The following CDK3 variants were observed in gnomAD, a reference collection of about 807,000 sequenced individuals.
CDK3 encodes cyclin dependent kinase 3.
A neutral mutation model predicts 30.2 loss-of-function variants in CDK3; 24 were observed. The observed-to-expected ratio is 0.79, with a 90% CI of 0.57 to 1.12. The LOEUF is 1.12. CDK3 is among the 50% of genes most tolerant of loss of function. The probability of loss-of-function intolerance (pLI) is 0.00; values close to 1 mark genes in which losing one functional copy is unlikely to be tolerated. For missense variants in CDK3, 345 were observed against 376.0 expected, an observed-to-expected ratio of 0.92 and a Z score of 0.68; for synonymous variants, 158 against 154.2, an observed-to-expected ratio of 1.02 and a Z score of -0.18.
chr17:76,002,810 G>A lies in CDK3; in HGVS notation c.588+198G>A. 1 of 574,206 alleles carries A rather than the reference G, an allele frequency of 1.7e-6. No individual in the cohort carries two copies. 35.6% of individuals were successfully genotyped at this position (574,206 alleles called of 1,614,324 possible). On this transcript the variant is annotated intron_variant, in intron 6 of 7. Coordinates refer to ENST00000448471, the MANE Select transcript of CDK3 (RefSeq NM_001258.4). This position sits in a 1 kb window ranked among gnomAD's most constrained non-coding sequence, Gnocchi z 4.3. ...GCCCAGGAGTTTGAGACCAGCCTGG[G>A]CAACGTAACAAATCCCCAGCTCTTA... is the stretch of plus-strand genomic sequence containing the variant.
Position 76,001,558 on chromosome 17 carries a change from C to A in CDK3, c.116+17C>A, listed in dbSNP as rs2069529. 0.026 allele frequency: 41,237 copies of A among 1,604,570 alleles called. 646 individuals carry two copies. The highest frequency in any genetic ancestry group is 0.031 in the Non-Finnish European group (36,670 of 1,172,386). ...ACTGGATTTGTGAGTGCTGGGACGGCCCCTGAGTTACCCACCCTGGGCCAT... is the reference window on the plus strand; with the variant it reads ...ACTGGATTTGTGAGTGCTGGGACGGACCCTGAGTTACCCACCCTGGGCCAT... On this transcript the variant is annotated intron_variant, in intron 2 of 7. Transcript: ENST00000448471. This position sits in a 1 kb window ranked among gnomAD's most constrained non-coding sequence, Gnocchi z 6.2.
Position 76,001,064 on chromosome 17 carries a change from C to T in CDK3, c.-15+97C>T. 1 of 1,148,944 alleles carries T rather than the reference C, an allele frequency of 8.7e-7. No homozygotes were observed. The highest frequency in any genetic ancestry group is 1.1e-6 in the Non-Finnish European group (1 of 925,062). The allele number at this position is 1,148,944 out of a possible 1,614,324, so 71.2% of individuals were successfully genotyped here. On this transcript the variant is annotated intron_variant, in intron 1 of 7. Coordinates refer to ENST00000448471, the MANE Select transcript of CDK3 (RefSeq NM_001258.4). This position sits in a 1 kb window ranked among gnomAD's most constrained non-coding sequence, Gnocchi z 6.2. The stretch of plus-strand genomic sequence containing the variant: ...CTGGGCGAGGGGTGGTCTCTGACTT[C>T]CTGGGGGTTCTGGCTGGGATGGGCA...
chr17:76,002,678 T>C lies in CDK3; in HGVS notation c.588+66T>C, dbSNP rs1485071541. ...AGGGTCCTACTGGGGTTGGGTGGGG[T>C]CCACTGATGCTCCCATTCGAGGCGG... On this transcript the variant is annotated intron_variant, in intron 6 of 7. Coordinates refer to ENST00000448471, the MANE Select transcript of CDK3 (RefSeq NM_001258.4). This position sits in a 1 kb window ranked among gnomAD's most constrained non-coding sequence, Gnocchi z 4.3. 1.3e-6 allele frequency: 1 copy of C among 770,228 alleles called. No individual in the cohort carries two copies. The highest frequency in any genetic ancestry group is 2.4e-5 in the East Asian group (1 of 41,164). The allele number at this position is 770,228 out of a possible 1,614,324, so 47.7% of individuals were successfully genotyped here. A position where few individuals can be genotyped will look rare whatever the true frequency, so the allele number is the denominator to read the frequency against.
chr17:76,004,173 G>A (rs914460565), intron 7 of CDK3, among the ~76,000 whole-genome samples: 1 of 150,694 alleles, frequency 6.6e-6, no homozygotes, highest in African/African-American at 2.4e-5. Flanking sequence ...GGTGTCTTGA[G>A]CTGACCCAGG....
At chr17:76,003,515 G>A (rs1598222962) in intron 7 of CDK3, 117 bp downstream of exon 7, 1 of 747,408 alleles carries the variant, frequency 1.3e-6, no homozygotes, top group Non-Finnish European at 2.2e-6. Context: ...CCTGACCTTT[G>A]TACACAACTG....
Position 76,002,370 on chromosome 17 carries a change from C to G in CDK3, c.438C>G (p.Phe146Leu). The change falls in exon 5 of 8, where the codon TTC becomes TTG. Residue 146 changes from phenylalanine to leucine, a missense_variant. By Grantham distance (22) the Phe-to-Leu change is conservative. Transcript: ENST00000448471. The surrounding 1 kb of genome is among the most constrained non-coding windows in gnomAD (Gnocchi z 4.3). ...NELGAIKLAD[F>L]GLARAFGVPL... Reference sequence around the variant, plus strand: ...TGGGTGCCATCAAGCTGGCTGACTTCGGCCTGGCTCGCGCCTTCGGGGTGC... The same window carrying G: ...TGGGTGCCATCAAGCTGGCTGACTTGGGCCTGGCTCGCGCCTTCGGGGTGC... The G allele has an allele frequency of 6.2e-7, 1 of 1,612,584 alleles. No homozygotes were observed. The highest frequency in any genetic ancestry group is 1.6e-4 in the Middle Eastern group (1 of 6,062).
At position 76,002,943 on chromosome 17, in the gene CDK3, G is replaced by A. The variant is rs922804354; in HGVS notation, c.589-252G>A. ...GAGCCTGTGGTTGAGGCTGCAGTGA[G>A]CTGTGATCGCACGACTGCACTCTAG... On this transcript the variant is annotated intron_variant, in intron 6 of 7. Transcript: ENST00000448471. The surrounding 1 kb of genome is among the most constrained non-coding windows in gnomAD (Gnocchi z 4.3). The A allele has an allele frequency of 1.6e-5, 9 of 561,328 alleles. No homozygotes were observed. In the African/African-American group the frequency reaches 1.7e-4, roughly 11 times the overall value. The allele number at this position is 561,328 out of a possible 1,614,324, so 34.8% of individuals were successfully genotyped here.
Position 76,001,686 on chromosome 17 carries a change from C to T in CDK3, c.116+145C>T. 2 of 882,858 alleles carry T rather than the reference C, an allele frequency of 2.3e-6. No individual in the cohort carries two copies. Among genetic ancestry groups the T allele is most frequent in the Non-Finnish European group, 1.7e-6 (1 of 576,660 alleles). 54.7% of individuals were successfully genotyped at this position (882,858 alleles called of 1,614,324 possible). A position where few individuals can be genotyped will look rare whatever the true frequency, so the allele number is the denominator to read the frequency against. On this transcript the variant is annotated intron_variant, in intron 2 of 7. Coordinates refer to ENST00000448471, the MANE Select transcript of CDK3 (RefSeq NM_001258.4). The surrounding 1 kb of genome is among the most constrained non-coding windows in gnomAD (Gnocchi z 6.2). Reference sequence around the variant, plus strand: ...CCTTACCTGTCCTCTCCCCAGTTCACTGCCTTCTGACCAGCCTTTGCCGGG... The same window carrying T: ...CCTTACCTGTCCTCTCCCCAGTTCATTGCCTTCTGACCAGCCTTTGCCGGG...
chr17:76,003,097 T>A, intron 6 of CDK3, 98 bp from the exon 7 acceptor site: 1 of 942,440 alleles, frequency 1.1e-6, no homozygotes, highest in Admixed American at 2.0e-5. Flanking sequence ...GGAAAAGATA[T>A]CTTGACAGGC....
At position 76,001,089 on chromosome 17, in the gene CDK3, A is replaced by C; in HGVS notation, c.-15+122A>C. ...CCTGGGGGTTCTGGCTGGGATGGGC[A>C]GGGGGCTGGGTGGGAGAGTGTGGGC... On this transcript the variant is annotated intron_variant, in intron 1 of 7. Transcript: ENST00000448471. The surrounding 1 kb of genome is among the most constrained non-coding windows in gnomAD (Gnocchi z 6.2). 9.7e-7 allele frequency: 1 copy of C among 1,026,610 alleles called. No individual in the cohort carries two copies. The highest frequency in any genetic ancestry group is 1.2e-6 in the Non-Finnish European group (1 of 814,156). The allele number at this position is 1,026,610 out of a possible 1,614,324, so 63.6% of individuals were successfully genotyped here.
At chr17:76,003,917 AT>A (rs1312091420) in intron 7 of CDK3, among the ~76,000 whole-genome samples, 37 of 144,208 alleles carry the variant, frequency 2.6e-4, no homozygotes, top group Admixed American at 2.8e-4. Flanking sequence ...TAATTTTTGT[AT>A]TTTTTTTTTT....
Position 76,002,395 on chromosome 17 carries a change from C to T in CDK3, c.463C>T (p.Pro155Ser), listed in dbSNP as rs148982467. 1.6e-5 allele frequency: 26 copies of T among 1,611,796 alleles called. No individual in the cohort carries two copies. The African/African-American group carries it at 2.4e-4, about 15-fold the overall frequency. ...CGGCCTGGCTCGCGCCTTCGGGGTGCCCCTGCGCACCTACACCCATGAGGT... is the reference window on the plus strand; with the variant it reads ...CGGCCTGGCTCGCGCCTTCGGGGTGTCCCTGCGCACCTACACCCATGAGGT... ...DFGLARAFGV[P>S]LRTYTHEVVT... Residue 155 changes from proline to serine, a missense_variant, in exon 5 of 8, where the codon CCC (proline) becomes TCC (serine). By Grantham distance (74) the Pro-to-Ser change is moderately conservative. Coordinates refer to ENST00000448471, the MANE Select transcript of CDK3 (RefSeq NM_001258.4). The surrounding 1 kb of genome is among the most constrained non-coding windows in gnomAD (Gnocchi z 4.3).
Position 76,002,080 on chromosome 17 carries a change from C to T in CDK3, c.253C>T (p.Gln85Ter), listed in dbSNP as rs1386357782. 2 of 1,613,910 alleles carry T rather than the reference C, an allele frequency of 1.2e-6. No individual in the cohort carries two copies. The highest frequency in any genetic ancestry group is 1.7e-6 in the Non-Finnish European group (2 of 1,180,004). ...KLYLVFEFLS[Q>*]DLKKYMDSTP... Reference sequence around the variant, plus strand: ...CTATCTGGTGTTTGAGTTCCTCAGCCAGGACCTGAAGAAGTACATGGACTC... The same window carrying T: ...CTATCTGGTGTTTGAGTTCCTCAGCTAGGACCTGAAGAAGTACATGGACTC... The change falls in exon 4 of 8, where the codon CAG becomes TAG. Residue 85 changes from glutamine (Q) to a stop codon, truncating the protein, a stop_gained. Transcript: ENST00000448471. LOFTEE classifies it high-confidence loss of function. This position sits in a 1 kb window ranked among gnomAD's most constrained non-coding sequence, Gnocchi z 4.3.
chr17:76,001,175 G>T lies in CDK3; in HGVS notation c.-15+208G>T. On this transcript the variant is annotated intron_variant, in intron 1 of 7. Coordinates refer to ENST00000448471, the MANE Select transcript of CDK3 (RefSeq NM_001258.4). This position sits in a 1 kb window ranked among gnomAD's most constrained non-coding sequence, Gnocchi z 6.2. The stretch of plus-strand genomic sequence containing the variant: ...GGGGGTCCTGGCTGAACTGGGCTGG[G>T]TGAAGGGGGCCCCCTGACCCCCTTG... 2 of 1,348,642 alleles carry T rather than the reference G, an allele frequency of 1.5e-6. No individual in the cohort carries two copies. Among genetic ancestry groups the T allele is most frequent in the Non-Finnish European group, 1.9e-6 (2 of 1,045,930 alleles). The allele number at this position is 1,348,642 out of a possible 1,614,324, so 83.5% of individuals were successfully genotyped here. A position where few individuals can be genotyped will look rare whatever the true frequency, so the allele number is the denominator to read the frequency against.
chr17:76,002,877 T>C lies in CDK3; in HGVS notation c.588+265T>C. 1 of 538,456 alleles carries C rather than the reference T, an allele frequency of 1.9e-6. No homozygotes were observed. Among genetic ancestry groups the C allele is most frequent in the Non-Finnish European group, 3.3e-6 (1 of 299,956 alleles). 33.4% of individuals were successfully genotyped at this position (538,456 alleles called of 1,614,324 possible). A position where few individuals can be genotyped will look rare whatever the true frequency, so the allele number is the denominator to read the frequency against. Reference sequence around the variant, plus strand: ...AGCTGGGTGTGGTGGTGCATGCTTGTAGTCCCAGCTACTTGGGAGGTTGAG... The same window carrying C: ...AGCTGGGTGTGGTGGTGCATGCTTGCAGTCCCAGCTACTTGGGAGGTTGAG... On this transcript the variant is annotated intron_variant, in intron 6 of 7. Coordinates refer to ENST00000448471, the MANE Select transcript of CDK3 (RefSeq NM_001258.4). This position sits in a 1 kb window ranked among gnomAD's most constrained non-coding sequence, Gnocchi z 4.3.
rs1218953764 is a variant in CDK3, at chr17:76,000,860, C to A, written c.-122C>A. On this transcript the variant is annotated 5_prime_UTR_variant, in exon 1 of 8. Transcript: ENST00000448471. This position sits in a 1 kb window ranked among gnomAD's most constrained non-coding sequence, Gnocchi z 5.9. ...AAGACAGGACTGTGGCTTTAAGACCCTCCTGACCCCTGACCTCTGCCCCCA... is the reference window on the plus strand; with the variant it reads ...AAGACAGGACTGTGGCTTTAAGACCATCCTGACCCCTGACCTCTGCCCCCA... 3 of 1,035,374 alleles carry A rather than the reference C, an allele frequency of 2.9e-6. No individual in the cohort carries two copies. The highest frequency in any genetic ancestry group is 3.4e-5 in the South Asian group (1 of 29,356). The allele number at this position is 1,035,374 out of a possible 1,614,324, so 64.1% of individuals were successfully genotyped here. A position where few individuals can be genotyped will look rare whatever the true frequency, so the allele number is the denominator to read the frequency against.
chr17:76,004,219 G>GTTTT (rs59029490), intron 7 of CDK3, among the ~76,000 whole-genome samples: 6 of 92,296 alleles, frequency 6.5e-5, no homozygotes, highest in Admixed American at 1.3e-4. Context: ...AGAACCGTCT[G>GTTTT]TTTTTTTTTT....
rs753926548 is a variant in CDK3 at position 76,003,275 on chromosome 17, C to T, written c.669C>T (p.Ser223=). Residue 223 remains serine, a synonymous_variant, in exon 7 of 8, where the codon AGC becomes AGT. Transcript: ENST00000448471. ...FRIFRMLGTP[S]EDTWPGVTQL... ...TCTTTCGTATGCTGGGGACACCCAG[C>T]GAAGACACATGGCCCGGGGTCACCC... The T allele has an allele frequency of 1.2e-5, 20 of 1,613,930 alleles. No individual in the cohort carries two copies. The highest frequency in any genetic ancestry group is 6.7e-5 in the East Asian group (3 of 44,880).
chr17:76,001,248 G>T lies in CDK3; in HGVS notation c.-14-164G>T. ...GGGGCGGTTTCCGACCCCCAGCCAG[G>T]TTCCCAGGCAGGATGAGCTGGGGTT... On this transcript the variant is annotated intron_variant, in intron 1 of 7. Transcript: ENST00000448471. This position sits in a 1 kb window ranked among gnomAD's most constrained non-coding sequence, Gnocchi z 6.2. The T allele has an allele frequency of 1.4e-6, 2 of 1,478,910 alleles. No homozygotes were observed. The allele number at this position is 1,478,910 out of a possible 1,614,324, so 91.6% of individuals were successfully genotyped here. A position where few individuals can be genotyped will look rare whatever the true frequency, so the allele number is the denominator to read the frequency against.
Sources: allele counts gnomAD v4.1 joint callset (sites outside exome capture counted in the v4.1 genomes callset), GRCh38; gene constraint gnomAD v4.1.1; non-coding constraint Gnocchi (gnomAD v3.1); transcripts MANE v1.5; gene names NCBI Gene and HGNC (gene_info 2026-07-23, HGNC 2026-07-21).